Variants in ART3 observed in about 807,000 individuals in gnomAD.
ART3 encodes ecto-ADP-ribosyltransferase 3.
Under a neutral mutation model 48.5 loss-of-function variants are expected in ART3, and 49 were observed. That is an observed-to-expected ratio of 1.01 (90% confidence interval 0.80 to 1.28). The LOEUF (loss-of-function observed/expected upper bound fraction) is 1.28. Ranked by LOEUF, ART3 falls within the 50% of genes most tolerant of loss-of-function variation. The probability of loss-of-function intolerance (pLI) is 0.00; values close to 1 mark genes in which losing one functional copy is unlikely to be tolerated. For synonymous variants in ART3, 145 were observed against 157.2 expected (o/e 0.92, Z 0.58); for missense variants, 438 against 454.3 (o/e 0.96, Z 0.33).
At chr4:76,071,907 A>AT (rs541900815), upstream of ART3, among the ~76,000 whole-genome samples, 25 of 151,008 alleles carry the variant, frequency 1.7e-4, no homozygotes, top group Admixed American at 3.3e-4. Flanking sequence ...AAGTCTAAAC[A>AT]TTTTTTTTTG....
chr4:76,082,469 G>A lies in ART3; in HGVS notation c.715G>A (p.Gly239Ser), dbSNP rs751581134. 6.2e-7 allele frequency: 1 copy of A among 1,612,510 alleles called. No individual in the cohort carries two copies. Among genetic ancestry groups the A allele is most frequent in the Non-Finnish European group, 8.5e-7 (1 of 1,179,580 alleles). The change falls in exon 3 of 12, where the codon GGC (glycine) becomes AGC (serine). Residue 239 changes from glycine (G) to serine (S), a missense_variant. Gly to Ser is a moderately conservative substitution (Grantham distance 56, BLOSUM62 0). Coordinates refer to ENST00000355810, the MANE Select transcript of ART3 (RefSeq NM_001130016.3). Reference sequence around the variant, plus strand: ...TTTTCAAGTGTCACAGGAGGGGGCTGGCAATAACCTTATCCTTCAAAGCAT... The same window carrying A: ...TTTTCAAGTGTCACAGGAGGGGGCTAGCAATAACCTTATCCTTCAAAGCAT... ...EVFQVSQEGAGNNLILQSINK... is the reference protein window; with the variant it reads ...EVFQVSQEGASNNLILQSINK...
chr4:76,100,446 C>T lies in ART3; in HGVS notation c.877+126C>T, dbSNP rs973624345. Reference sequence around the variant, plus strand: ...AGGAGATTGAGACCATCCTGGCCAACATAGTAAAACCCCATCTTTACTAAA... The same window carrying T: ...AGGAGATTGAGACCATCCTGGCCAATATAGTAAAACCCCATCTTTACTAAA... On this transcript the variant is annotated intron_variant, in intron 6 of 11. Coordinates refer to ENST00000355810, the MANE Select transcript of ART3 (RefSeq NM_001130016.3). 5 of 941,954 alleles carry T rather than the reference C, an allele frequency of 5.3e-6. No individual in the cohort carries two copies. In the South Asian group the frequency reaches 6.2e-5, roughly 12 times the overall value. The allele number at this position is 941,954 out of a possible 1,614,324, so 58.3% of individuals were successfully genotyped here.
chr4:76,100,890 A>G (rs897552792), intron 7 of ART3, 66 bp downstream of exon 7: 6 of 1,598,658 alleles, frequency 3.8e-6, no homozygotes, highest in Non-Finnish European at 5.1e-6. Context: ...ACAGGTGGGA[A>G]TATTTTCATA....
At chr4:76,072,637 A>C (rs1560612026), upstream of ART3, among the ~76,000 whole-genome samples, 1 of 115,850 alleles carries the variant, frequency 8.6e-6, no homozygotes, top group African/African-American at 5.1e-5. Flanking sequence ...AATAAATCAG[A>C]TCATGTTATA....
chr4:76,080,752 G>T (rs1292880307), intron 2 of ART3, among the ~76,000 whole-genome samples: 2 of 152,042 alleles, frequency 1.3e-5, no homozygotes, highest in Non-Finnish European at 2.9e-5. Context: ...CTCATGATCT[G>T]CCCGCCTCGG....
chr4:76,060,192 C>T (rs1719075094), intron 1 of ART3, among the ~76,000 whole-genome samples: 1 of 152,128 alleles, frequency 6.6e-6, no homozygotes, highest in African/African-American at 2.4e-5. Context: ...TCTTCTTAAC[C>T]TACTGATGTC....
intron 1 of ART3, among the ~76,000 whole-genome samples, chr4:76,066,558 G>A (rs2149491931): frequency 6.6e-6 from 1 of 152,240 alleles, no homozygotes; most frequent in South Asian, 2.1e-4. Flanking sequence ...AATTAGCAGA[G>A]AGGGTAGCTC....
At chr4:76,109,145 TCTGA>T (rs139799183) in intron 11 of ART3, among the ~76,000 whole-genome samples, 2,225 of 152,334 alleles carry the variant, frequency 0.015, 61 homozygotes, top group African/African-American at 0.05. Context: ...TTAATTTTAA[TCTGA>T]CTCTTTTGTA....
chr4:76,048,979 A>G (rs189768060), intron 1 of ART3, among the ~76,000 whole-genome samples: 38 of 152,068 alleles, frequency 2.5e-4, no homozygotes, highest in African/African-American at 8.7e-4. Context: ...GAAGAGTGAC[A>G]CCTTTTTCCT....
chr4:76,065,429 A>G (rs1235226881), intron 1 of ART3, among the ~76,000 whole-genome samples: 1 of 152,106 alleles, frequency 6.6e-6, no homozygotes, highest in Non-Finnish European at 1.5e-5. Context: ...CATGGGGAGA[A>G]TGTACAAACT....
rs1001410809 is a variant in ART3 at position 76,096,837 on chromosome 4, C to T, written c.782-807C>T. The stretch of plus-strand genomic sequence containing the variant: ...ATGAATATTCTGGGGCATGCCAACC[C>T]GTTTTCTTTATATGAATGTGAAGGA... On this transcript the variant is annotated intron_variant, in intron 3 of 11. Coordinates refer to ENST00000355810, the MANE Select transcript of ART3 (RefSeq NM_001130016.3). Among the ~76,000 whole-genome samples the T allele has an allele frequency of 3.9e-5, 6 of 152,220 alleles. No homozygotes were observed. The South Asian group carries it at 8.3e-4, about 21-fold the overall frequency.
intron 1 of ART3, among the ~76,000 whole-genome samples, chr4:76,013,308 A>G (rs1312996503): frequency 6.6e-6 from 1 of 152,082 alleles, no homozygotes; most frequent in Non-Finnish European, 1.5e-5. Flanking sequence ...TAGAGTGAAT[A>G]ATGGAGTGGT....
intron 1 of ART3, among the ~76,000 whole-genome samples, chr4:76,042,058 T>A (rs1735025145): frequency 6.6e-6 from 1 of 152,202 alleles, no homozygotes; most frequent in Non-Finnish European, 1.5e-5. Context: ...TGCTTTTAAT[T>A]TAAAGACATA....
chr4:76,057,810 A>G (rs1469155852), intron 1 of ART3, among the ~76,000 whole-genome samples: 1 of 152,250 alleles, frequency 6.6e-6, no homozygotes, highest in Non-Finnish European at 1.5e-5. Flanking sequence ...ATATGCGCAT[A>G]GTTTAAAAAG....
At chr4:76,100,435 A>G in intron 6 of ART3, 115 bp downstream of exon 6, 1 of 1,055,796 alleles carries the variant, frequency 9.5e-7, no homozygotes, top group South Asian at 1.4e-5. Context: ...GATTGAGACC[A>G]TCCTGGCCAA....
intron 1 of ART3, among the ~76,000 whole-genome samples, chr4:76,037,619 CA>C (rs1247776097): frequency 6.6e-6 from 1 of 152,088 alleles, no homozygotes; most frequent in Non-Finnish European, 1.5e-5. Context: ...TGGGATGAGC[CA>C]CGGTGCTTGG....
intron 1 of ART3, among the ~76,000 whole-genome samples, chr4:76,054,454 G>GT (rs1560601046): frequency 6.6e-6 from 1 of 152,084 alleles, no homozygotes; most frequent in Admixed American, 6.5e-5. Flanking sequence ...CAGGAAAGAT[G>GT]TTTTTTGTTC....
At chr4:76,083,601 T>A (rs1045371524) in intron 3 of ART3, among the ~76,000 whole-genome samples, 5 of 152,238 alleles carry the variant, frequency 3.3e-5, no homozygotes, top group African/African-American at 1.2e-4. Context: ...GTTTGTTGAT[T>A]CATGTTTGCA....
chr4:76,067,969 G>C (rs920653618), intron 1 of ART3, among the ~76,000 whole-genome samples: 1 of 152,054 alleles, frequency 6.6e-6, no homozygotes, highest in African/African-American at 2.4e-5. Flanking sequence ...TAAATACCTT[G>C]TATTTATCTT....
Sources: allele counts gnomAD v4.1 joint callset (sites outside exome capture counted in the v4.1 genomes callset), GRCh38; gene constraint gnomAD v4.1.1; transcripts MANE v1.5; gene names NCBI Gene and HGNC (gene_info 2026-07-23, HGNC 2026-07-21).